Variants in LRRTM4 observed in about 807,000 individuals in gnomAD.
LRRTM4 encodes the protein leucine rich repeat transmembrane neuronal 4, also known as leucine-rich repeat transmembrane neuronal protein 4.
LRRTM4 carries 25 observed loss-of-function variants against 47.6 expected under a neutral mutation model. The ratio of observed to expected loss-of-function variants is 0.53; its 90% CI spans 0.38 to 0.73. LRRTM4 has a LOEUF of 0.73. LRRTM4 is among the 30% of genes least tolerant of loss of function. The probability of loss-of-function intolerance (pLI) is 0.00; values close to 1 mark genes in which losing one functional copy is unlikely to be tolerated. For synonymous variants in LRRTM4, 311 were observed against 269.5 expected (o/e 1.15, Z -1.51); for missense variants, 638 against 713.4 (o/e 0.89, Z 1.20).
chr2:77,232,700 C>T (rs1163465497), intron 3 of LRRTM4, among the ~76,000 whole-genome samples: 3 of 152,088 alleles, frequency 2.0e-5, no homozygotes, highest in Admixed American at 6.6e-5. Context: ...TTATAAAGAG[C>T]ACTATGAACG....
intron 3 of LRRTM4, among the ~76,000 whole-genome samples, chr2:77,411,885 T>G (rs1434083186): frequency 2.6e-5 from 4 of 152,070 alleles, no homozygotes; most frequent in Non-Finnish European, 5.9e-5. Context: ...ACATAAAATC[T>G]CATCTTTATC....
At chr2:77,219,604 C>A (rs1251317187) in intron 3 of LRRTM4, among the ~76,000 whole-genome samples, 1 of 152,162 alleles carries the variant, frequency 6.6e-6, no homozygotes, top group Non-Finnish European at 1.5e-5. Context: ...TTGGGAAGAC[C>A]TTTACCACAG....
At chr2:77,430,908 A>AT (rs1366371935) in intron 3 of LRRTM4, among the ~76,000 whole-genome samples, 5 of 148,222 alleles carry the variant, frequency 3.4e-5, no homozygotes, top group Non-Finnish European at 7.4e-5. Context: ...GGGGGCCCAG[A>AT]TAAAAAAAAA....
chr2:77,001,552 A>G (rs1209300088), intron 3 of LRRTM4, among the ~76,000 whole-genome samples: 1 of 152,188 alleles, frequency 6.6e-6, no homozygotes, highest in African/African-American at 2.4e-5. Flanking sequence ...AGGCAAGAAC[A>G]GAATCAATAA....
At chr2:76,829,619 C>A (rs1013659648) in intron 3 of LRRTM4, among the ~76,000 whole-genome samples, 5 of 151,914 alleles carry the variant, frequency 3.3e-5, no homozygotes, top group African/African-American at 4.8e-5. Flanking sequence ...CATTGCTGTG[C>A]ATAAATTACT....
At chr2:76,942,539 A>G (rs925955913) in intron 3 of LRRTM4, among the ~76,000 whole-genome samples, 13 of 150,024 alleles carry the variant, frequency 8.7e-5, no homozygotes, top group Non-Finnish European at 1.8e-4. Context: ...TTTCAGCCAG[A>G]TAAAATAGAA....
intron 3 of LRRTM4, among the ~76,000 whole-genome samples, chr2:77,036,439 A>C (rs1194612895): frequency 2.0e-5 from 3 of 151,624 alleles, no homozygotes; most frequent in Non-Finnish European, 4.4e-5. Flanking sequence ...TAGAAATTCT[A>C]CTTTAAGGAT....
intron 3 of LRRTM4, among the ~76,000 whole-genome samples, chr2:76,792,672 A>G (rs142549239): frequency 6.6e-6 from 1 of 151,224 alleles, no homozygotes; most frequent in East Asian, 1.9e-4. Context: ...TGAATACTAG[A>G]TGAAGACCCT....
intron 3 of LRRTM4, among the ~76,000 whole-genome samples, chr2:76,923,143 T>A (rs1030652643): frequency 1.1e-4 from 17 of 152,104 alleles, no homozygotes; most frequent in African/African-American, 4.1e-4. Context: ...TCTTTGTATG[T>A]CTTTGTATAC....
chr2:77,117,993 A>G lies in LRRTM4; in HGVS notation c.1552-369077T>C, dbSNP rs569839024. The stretch of plus-strand genomic sequence containing the variant: ...GCACTGCAAATTACTATCAAAATAT[A>G]TAGCTTATTTCACAAGTAAATAACT... On this transcript the variant is annotated intron_variant, in intron 3 of 3. Transcript: ENST00000409884. Among the ~76,000 whole-genome samples, 3 of 152,138 alleles carry G rather than the reference A, an allele frequency of 2.0e-5. No homozygotes were observed. In the South Asian group the frequency reaches 6.2e-4, roughly 31 times the overall value.
chr2:77,483,204 T>C (rs1466758304), intron 3 of LRRTM4, among the ~76,000 whole-genome samples: 1 of 146,918 alleles, frequency 6.8e-6, no homozygotes, highest in South Asian at 2.2e-4. Flanking sequence ...ACAATGCATA[T>C]ACATCATCTA....
chr2:76,887,079 G>T (rs547411476), intron 3 of LRRTM4, among the ~76,000 whole-genome samples: 15 of 151,662 alleles, frequency 9.9e-5, no homozygotes, highest in African/African-American at 3.4e-4. Flanking sequence ...AAACTGTGAG[G>T]CTAATACGAG....
At chr2:77,267,389 G>C (rs1203503486) in intron 3 of LRRTM4, among the ~76,000 whole-genome samples, 1 of 152,168 alleles carries the variant, frequency 6.6e-6, no homozygotes, top group Admixed American at 6.5e-5. Context: ...CTTGGTCTTT[G>C]CTTCTAAGAT....
chr2:77,229,648 C>A (rs908465815), intron 3 of LRRTM4, among the ~76,000 whole-genome samples: 1 of 152,006 alleles, frequency 6.6e-6, no homozygotes, highest in Non-Finnish European at 1.5e-5. Flanking sequence ...AGAATCCCAC[C>A]GCTGCTCTCC....
At chr2:77,220,516 T>G (rs905381578) in intron 3 of LRRTM4, among the ~76,000 whole-genome samples, 5 of 152,210 alleles carry the variant, frequency 3.3e-5, no homozygotes. Flanking sequence ...TTAAAGGACC[T>G]GTTGGAGCTG....
chr2:77,221,620 T>G (rs1674634502), intron 3 of LRRTM4, among the ~76,000 whole-genome samples: 1 of 152,028 alleles, frequency 6.6e-6, no homozygotes, highest in African/African-American at 2.4e-5. Context: ...GGCCATTACA[T>G]AATGGTAAAG....
intron 3 of LRRTM4, among the ~76,000 whole-genome samples, chr2:77,388,616 A>T (rs1201353570): frequency 1.3e-5 from 2 of 152,144 alleles, no homozygotes; most frequent in Non-Finnish European, 2.9e-5. Context: ...TATATGTATC[A>T]AATCATTCAT....
intron 3 of LRRTM4, among the ~76,000 whole-genome samples, chr2:77,067,716 CATACAT>C (rs369993194): frequency 5.4e-5 from 8 of 147,640 alleles, no homozygotes; most frequent in East Asian, 2.0e-4. Context: ...CACACACACA[CATACAT>C]ATTTCAGGAA....
intron 3 of LRRTM4, among the ~76,000 whole-genome samples, chr2:77,106,688 T>C (rs542381221): frequency 6.6e-6 from 1 of 152,216 alleles, no homozygotes; most frequent in South Asian, 2.1e-4. Context: ...AATGTTTTCT[T>C]ATTTAGCAAA....
Sources: gnomAD v4.1 joint callset for allele counts (sites outside exome capture counted in the v4.1 genomes callset) on GRCh38, gnomAD v4.1.1 for gene constraint, MANE v1.5 for transcripts, NCBI Gene and HGNC (gene_info 2026-07-23, HGNC 2026-07-21) for gene names.